Variants in RCL1 observed in about 807,000 individuals in gnomAD.
RCL1 encodes the protein RNA terminal phosphate cyclase like 1.
A neutral mutation model predicts 42.4 loss-of-function variants in RCL1; 24 were observed. The observed-to-expected ratio is 0.57, with a 90% CI of 0.41 to 0.80. RCL1 has a LOEUF of 0.80. RCL1 is among the 30% of genes least tolerant of loss of function. The pLI is 0.00. For missense variants in RCL1, 578 were observed against 467.9 expected, an observed-to-expected ratio of 1.24 and a Z score of -2.17; for synonymous variants, 228 against 177.3, an observed-to-expected ratio of 1.29 and a Z score of -2.27.
rs1365833254 is a variant in RCL1, at chr9:4,841,260, G to T, written c.613G>T (p.Ala205Ser). The T allele has an allele frequency of 1.2e-5, 20 of 1,613,722 alleles. No homozygotes were observed. Among genetic ancestry groups the T allele is most frequent in the Non-Finnish European group, 1.6e-5 (19 of 1,179,726 alleles). ...CTCTGTACGTGTGTCACCTCAGATGGCGAACCGGATTGTGGATTCTGCAAG... is the reference window on the plus strand; with the variant it reads ...CTCTGTACGTGTGTCACCTCAGATGTCGAACCGGATTGTGGATTCTGCAAG... Reference protein sequence around the residue: ...AYSVRVSPQMANRIVDSARSI... With the variant: ...AYSVRVSPQMSNRIVDSARSI... Residue 205 changes from alanine to serine, a missense_variant, in exon 6 of 9, where the codon GCG (alanine) becomes TCG (serine). Physicochemically the swap from Ala to Ser is moderately conservative, Grantham distance 99. Coordinates refer to ENST00000381750, the MANE Select transcript of RCL1 (RefSeq NM_005772.5).
chr9:4,832,841 C>T (rs1008830757), intron 3 of RCL1, among the ~76,000 whole-genome samples: 4 of 148,952 alleles, frequency 2.7e-5, no homozygotes, highest in African/African-American at 9.9e-5. Context: ...GTAGGGTTCT[C>T]CATTTGTTTT....
chr9:4,848,022 AGGG>A (rs1157810902), intron 7 of RCL1, among the ~76,000 whole-genome samples: 2 of 152,228 alleles, frequency 1.3e-5, no homozygotes, highest in African/African-American at 4.8e-5. Flanking sequence ...TGTCCTGTAC[AGGG>A]ACCTTAGCTA....
At chr9:4,798,808 C>T (rs1370086962) in intron 1 of RCL1, among the ~76,000 whole-genome samples, 1 of 151,906 alleles carries the variant, frequency 6.6e-6, no homozygotes. Context: ...AGGAACATAC[C>T]CTTTTGTGCC....
At position 4,808,460 on chromosome 9, in the gene RCL1, A is replaced by G. The variant is rs529750015; in HGVS notation, c.137-15088A>G. ...GTAGCTGGGACTATAGGTGTGCGCCATTATGCCTGGCTAATTTTTGTATTT... is the reference window on the plus strand; with the variant it reads ...GTAGCTGGGACTATAGGTGTGCGCCGTTATGCCTGGCTAATTTTTGTATTT... On this transcript the variant is annotated intron_variant, in intron 1 of 8. Transcript: ENST00000381750. Among the ~76,000 whole-genome samples, 8 of 152,148 alleles carry G rather than the reference A, an allele frequency of 5.3e-5. No homozygotes were observed. In the South Asian group the frequency reaches 1.5e-3, roughly 28 times the overall value.
At chr9:4,813,986 A>G (rs2130986206) in intron 1 of RCL1, among the ~76,000 whole-genome samples, 1 of 152,250 alleles carries the variant, frequency 6.6e-6, no homozygotes, top group African/African-American at 2.4e-5. Context: ...GGAATTGAAC[A>G]ATGAGAACAC....
chr9:4,813,760 T>A (rs1183101778), intron 1 of RCL1, among the ~76,000 whole-genome samples: 1 of 152,238 alleles, frequency 6.6e-6, no homozygotes, highest in African/African-American at 2.4e-5. Context: ...GCGGCACTAT[T>A]CACAATAGGA....
intron 1 of RCL1, among the ~76,000 whole-genome samples, chr9:4,800,452 T>A (rs930090038): frequency 1.1e-4 from 16 of 151,982 alleles, no homozygotes; most frequent in Non-Finnish European, 1.8e-4. Context: ...TGATCTTAGG[T>A]GATCCACCCA....
intron 1 of RCL1, 97 bp downstream of exon 1, chr9:4,793,324 G>A: frequency 7.4e-7 from 1 of 1,346,844 alleles, no homozygotes. Context: ...TGGGCGGCTC[G>A]GCGTCCGGCG....
intron 2 of RCL1, among the ~76,000 whole-genome samples, chr9:4,824,486 A>G (rs1012642457): frequency 1.4e-5 from 2 of 147,516 alleles, no homozygotes; most frequent in Non-Finnish European, 3.0e-5. Flanking sequence ...ATTCCAGTGT[A>G]TTGATGCATG....
intron 1 of RCL1, 99 bp downstream of exon 1, chr9:4,793,326 C>G: frequency 7.7e-7 from 1 of 1,302,690 alleles, no homozygotes; most frequent in Non-Finnish European, 1.0e-6. Context: ...GGCGGCTCGG[C>G]GTCCGGCGAG....
chr9:4,824,644 C>A (rs1042081919), intron 2 of RCL1, among the ~76,000 whole-genome samples: 1 of 152,224 alleles, frequency 6.6e-6, no homozygotes, highest in African/African-American at 2.4e-5. Flanking sequence ...TTTCCGCACA[C>A]ATTCCACAAA....
intron 5 of RCL1, among the ~76,000 whole-genome samples, chr9:4,838,553 T>G (rs1817212190): frequency 6.7e-6 from 1 of 148,526 alleles, no homozygotes; most frequent in Admixed American, 6.8e-5. Context: ...AAAGGTACTT[T>G]GAGAATCAAG....
Position 4,844,528 on chromosome 9 carries a change from T to C in RCL1, c.714T>C (p.Ser238=). 6.2e-7 allele frequency: 1 copy of C among 1,611,052 alleles called. No homozygotes were observed. Among genetic ancestry groups the C allele is most frequent in the Non-Finnish European group, 8.5e-7 (1 of 1,178,392 alleles). ...DHMKGVNSGK[S]PGFGLSLVAE... ...GTTTGTGCCTTTGTATCTCCAGGTC[T>C]CCGGGCTTTGGGTTGTCACTGGTTG... is the stretch of plus-strand genomic sequence containing the variant. The change falls in exon 7 of 9, where the codon TCT becomes TCC. Residue 238 remains serine (S), a synonymous_variant. Transcript: ENST00000381750.
At chr9:4,811,171 A>G (rs1037221622) in intron 1 of RCL1, among the ~76,000 whole-genome samples, 1 of 151,952 alleles carries the variant, frequency 6.6e-6, no homozygotes, top group African/African-American at 2.4e-5. Flanking sequence ...TGTCCCAGCT[A>G]CTCAGGAGGC....
At chr9:4,812,917 T>C (rs1816231097) in intron 1 of RCL1, among the ~76,000 whole-genome samples, 1 of 152,218 alleles carries the variant, frequency 6.6e-6, no homozygotes. Flanking sequence ...TGTGTATTGA[T>C]TTTATATCTT....
intron 8 of RCL1, among the ~76,000 whole-genome samples, chr9:4,853,533 G>A (rs1013376962): frequency 6.6e-6 from 1 of 152,090 alleles, no homozygotes; most frequent in African/African-American, 2.4e-5. Flanking sequence ...GTGTTAGCCA[G>A]GATGATCTCG....
chr9:4,821,858 A>C (rs1221073404), intron 1 of RCL1, among the ~76,000 whole-genome samples: 1 of 152,244 alleles, frequency 6.6e-6, no homozygotes, highest in East Asian at 1.9e-4. Flanking sequence ...TCATCTATTC[A>C]TAAGGCCAGA....
At chr9:4,841,808 A>G (rs1817341303) in intron 6 of RCL1, among the ~76,000 whole-genome samples, 1 of 152,216 alleles carries the variant, frequency 6.6e-6, no homozygotes, top group Admixed American at 6.5e-5. Flanking sequence ...TGCAGACGTG[A>G]ATTTGGTTTA....
At chr9:4,830,887 G>T (rs779769874) in intron 3 of RCL1, among the ~76,000 whole-genome samples, 2 of 152,118 alleles carry the variant, frequency 1.3e-5, no homozygotes, top group Admixed American at 1.3e-4. Flanking sequence ...CTGCCACTTA[G>T]GGTTTGATCT....
Sources: gnomAD v4.1 joint callset for allele counts (sites outside exome capture counted in the v4.1 genomes callset) on GRCh38, gnomAD v4.1.1 for gene constraint, MANE v1.5 for transcripts, NCBI Gene and HGNC (gene_info 2026-07-23, HGNC 2026-07-21) for gene names.